Variants in ROCK2 observed in about 807,000 individuals in gnomAD.
ROCK2 encodes rho-associated protein kinase 2.
In ROCK2, 61 loss-of-function variants were observed where a neutral mutation model predicts 195.1. The observed-to-expected ratio is 0.31, with a 90% CI of 0.25 to 0.39. The LOEUF is 0.39. Among genes scored for constraint, ROCK2 ranks in the 10% least tolerant of loss-of-function variants. ROCK2 has a pLI of 1.00. For synonymous variants in ROCK2, 504 were observed against 545.5 expected (o/e 0.92, Z 1.06); for missense variants, 1,109 against 1,637.4 (o/e 0.68, Z 5.57).
In ROCK2 at chr2:11,279,059, G is replaced by C. The variant is rs545715629; in HGVS notation, c.324+7480C>G. 2.0e-5 allele frequency among the ~76,000 whole-genome samples: 3 copies of C among 150,184 alleles called. No homozygotes were observed. In the East Asian group the frequency reaches 5.8e-4, roughly 29 times the overall value. On this transcript the variant is annotated intron_variant, in intron 3 of 32. Transcript: ENST00000315872. ...AATCTGCTAAGAAAGGAGAGAAAATGAAATCACATTAAATGATCAGTTAAA... is the reference window on the plus strand; with the variant it reads ...AATCTGCTAAGAAAGGAGAGAAAATCAAATCACATTAAATGATCAGTTAAA...
intron 1 of ROCK2, among the ~76,000 whole-genome samples, chr2:11,297,789 C>A (rs1477544169): frequency 6.6e-6 from 1 of 152,104 alleles, no homozygotes; most frequent in African/African-American, 2.4e-5. Context: ...GGACACAGAG[C>A]TCTCTGAGTA....
chr2:11,334,856 C>T (rs1668875997), intron 1 of ROCK2, among the ~76,000 whole-genome samples: 1 of 150,582 alleles, frequency 6.6e-6, no homozygotes, highest in African/African-American at 2.4e-5. Context: ...AAATGTCTAT[C>T]ACTTGCTTTA....
chr2:11,311,263 C>T (rs1213735435), intron 1 of ROCK2, among the ~76,000 whole-genome samples: 5 of 152,114 alleles, frequency 3.3e-5, no homozygotes. Flanking sequence ...TAAAAATCTA[C>T]TCAAGTCCTG....
intron 13 of ROCK2, 74 bp downstream of exon 13, chr2:11,216,084 G>A (rs1664416646): frequency 8.7e-7 from 1 of 1,148,730 alleles, no homozygotes; most frequent in Non-Finnish European, 1.3e-6. Flanking sequence ...GGTACCAAGA[G>A]AGCTCCTTAG....
intron 3 of ROCK2, among the ~76,000 whole-genome samples, chr2:11,250,794 G>A (rs1665804491): frequency 6.6e-6 from 1 of 152,030 alleles, no homozygotes; most frequent in Non-Finnish European, 1.5e-5. Context: ...TACCACCCTG[G>A]TTCAACATAT....
intron 5 of ROCK2, among the ~76,000 whole-genome samples, chr2:11,231,629 G>C (rs1665014028): frequency 6.6e-6 from 1 of 152,006 alleles, no homozygotes; most frequent in African/African-American, 2.4e-5. Flanking sequence ...CTTTTACTGA[G>C]ACACATCTAC....
chr2:11,287,047 A>T (rs995173011), intron 2 of ROCK2, among the ~76,000 whole-genome samples: 8 of 152,226 alleles, frequency 5.3e-5, no homozygotes, highest in Non-Finnish European at 8.8e-5. Flanking sequence ...GAAAAGTGGT[A>T]ATCATACTAT....
At chr2:11,211,494 A>G (rs1664244611) in intron 18 of ROCK2, among the ~76,000 whole-genome samples, 187 bp downstream of exon 18, 2 of 152,194 alleles carry the variant, frequency 1.3e-5, no homozygotes, top group South Asian at 4.1e-4. Context: ...CTTAGAAATG[A>G]TTACTGTAAT....
At chr2:11,307,747 C>G (rs1667903134) in intron 1 of ROCK2, among the ~76,000 whole-genome samples, 1 of 152,156 alleles carries the variant, frequency 6.6e-6, no homozygotes, top group African/African-American at 2.4e-5. Context: ...TCCACTGATT[C>G]AACAATCAGA....
intron 20 of ROCK2, among the ~76,000 whole-genome samples, chr2:11,203,514 T>C (rs941046813): frequency 4.6e-5 from 7 of 152,094 alleles, no homozygotes; most frequent in Admixed American, 4.6e-4. Context: ...AATGGGAAGC[T>C]ATATGAACAC....
intron 30 of ROCK2, among the ~76,000 whole-genome samples, chr2:11,193,414 A>G (rs752018985): frequency 3.3e-5 from 5 of 152,200 alleles, no homozygotes; most frequent in Non-Finnish European, 7.4e-5. Context: ...ATTTACCTCC[A>G]TAACTGACTT....
chr2:11,224,818 C>T lies in ROCK2; in HGVS notation c.869-358G>A, dbSNP rs149424766. Among the ~76,000 whole-genome samples, 1,061 of 151,702 alleles carry T rather than the reference C, an allele frequency of 7.0e-3. 15 individuals are homozygous for T. The highest frequency in any genetic ancestry group is 0.024 in the African/African-American group (1,010 of 41,328). On this transcript the variant is annotated intron_variant, in intron 6 of 32. Transcript: ENST00000315872. ...TCAGATCAGTCAGGGTCCTTTAATG[C>T]TTGGGCTGGATCAGCATTTTGAAAT...
At chr2:11,300,783 CA>C (rs1667678174) in intron 1 of ROCK2, among the ~76,000 whole-genome samples, 2 of 151,646 alleles carry the variant, frequency 1.3e-5, no homozygotes, top group African/African-American at 4.9e-5. Context: ...ACCAGATACC[CA>C]AAAGACCCAA....
At chr2:11,317,017 CCTT>C (rs1170845593) in intron 1 of ROCK2, among the ~76,000 whole-genome samples, 1 of 152,034 alleles carries the variant, frequency 6.6e-6, no homozygotes, top group African/African-American at 2.4e-5. Context: ...TAGTTTGAGA[CCTT>C]CTTCAGACTA....
At chr2:11,312,472 CG>C (rs912993301) in intron 1 of ROCK2, among the ~76,000 whole-genome samples, 5 of 152,098 alleles carry the variant, frequency 3.3e-5, no homozygotes, top group African/African-American at 1.2e-4. Flanking sequence ...CTCCAAGCAA[CG>C]AATGATTTGT....
rs916700847 is a variant in ROCK2 at position 11,215,312 on chromosome 2, T to G, written c.1689+9A>C. 4.5e-6 allele frequency: 7 copies of G among 1,572,182 alleles called. No homozygotes were observed. Among genetic ancestry groups the G allele is most frequent in the Non-Finnish European group, 6.0e-6 (7 of 1,158,392 alleles). ...CCCAGTATCTTTACTACAAATTAGATCCACCTACTTGTCTCTGGAGTTGAT... is the reference window on the plus strand; with the variant it reads ...CCCAGTATCTTTACTACAAATTAGAGCCACCTACTTGTCTCTGGAGTTGAT... On this transcript the variant is annotated intron_variant, in intron 15 of 32. Coordinates refer to ENST00000315872, the MANE Select transcript of ROCK2 (RefSeq NM_004850.5).
intron 20 of ROCK2, among the ~76,000 whole-genome samples, chr2:11,206,526 T>G (rs1054179098): frequency 6.6e-5 from 10 of 152,334 alleles, no homozygotes; most frequent in Admixed American, 6.5e-4. Flanking sequence ...GTTCCAATTT[T>G]AAAAGTTTAA....
intron 3 of ROCK2, among the ~76,000 whole-genome samples, chr2:11,274,257 A>AT (rs1666749723): frequency 6.6e-6 from 1 of 152,100 alleles, no homozygotes; most frequent in South Asian, 2.1e-4. Context: ...AATAATAAAG[A>AT]TTAGAGCAAA....
intron 1 of ROCK2, among the ~76,000 whole-genome samples, chr2:11,304,449 A>G (rs907090803): frequency 8.5e-5 from 13 of 152,206 alleles, no homozygotes; most frequent in African/African-American, 2.9e-4. Context: ...TGCCTTCAAA[A>G]TGAATCCAGA....
Sources: gnomAD v4.1 joint callset for allele counts (sites outside exome capture counted in the v4.1 genomes callset) on GRCh38, gnomAD v4.1.1 for gene constraint, MANE v1.5 for transcripts, NCBI Gene and HGNC (gene_info 2026-07-23, HGNC 2026-07-21) for gene names.